The following KAZN variants were observed in gnomAD, a reference collection of about 807,000 sequenced individuals.
KAZN encodes the protein kazrin, periplakin interacting protein.
A neutral mutation model predicts 87.4 loss-of-function variants in KAZN; 40 were observed. That is an observed-to-expected ratio of 0.46 (90% CI 0.36 to 0.60). KAZN has a LOEUF of 0.60. Among genes scored for constraint, KAZN ranks in the 20% least tolerant of loss-of-function variants. KAZN has a pLI of 0.00. For synonymous variants in KAZN, 466 were observed against 458.3 expected (o/e 1.02, Z -0.22); for missense variants, 898 against 1,073.9 (o/e 0.84, Z 2.29).
chr1:14,572,550 C>A (rs1423958364), intron 2 of KAZN, among the ~76,000 whole-genome samples: 1 of 152,202 alleles, frequency 6.6e-6, no homozygotes, highest in Non-Finnish European at 1.5e-5. Flanking sequence ...GCCTGGGAAG[C>A]AAGAGTATAA....
chr1:13,991,762 G>C (rs1332823931), intron 1 of KAZN, among the ~76,000 whole-genome samples: 1 of 152,026 alleles, frequency 6.6e-6, no homozygotes, highest in Non-Finnish European at 1.5e-5. Flanking sequence ...CTGCACCCCT[G>C]CCCTCCTTTC....
chr1:15,018,977 C>T (rs1406752031), intron 2 of KAZN, among the ~76,000 whole-genome samples: 2 of 152,228 alleles, frequency 1.3e-5, no homozygotes, highest in African/African-American at 2.4e-5. Context: ...TGAGAAGTTG[C>T]TGGATGTCCT....
intron 2 of KAZN, among the ~76,000 whole-genome samples, chr1:14,406,941 A>G (rs957944508): frequency 3.9e-5 from 6 of 152,216 alleles, no homozygotes; most frequent in Non-Finnish European, 8.8e-5. Flanking sequence ...CATAAAGTGC[A>G]AACAGAAGAG....
intron 1 of KAZN, among the ~76,000 whole-genome samples, chr1:14,843,638 G>A (rs373710589): frequency 2.3e-4 from 35 of 152,274 alleles, no homozygotes; most frequent in East Asian, 1.7e-3. Context: ...CAGCAAATTC[G>A]CCTCCCTATC....
At chr1:14,550,210 A>G (rs559164094) in intron 2 of KAZN, among the ~76,000 whole-genome samples, 4 of 152,336 alleles carry the variant, frequency 2.6e-5, no homozygotes, top group African/African-American at 9.6e-5. Context: ...CCAGTTCTCT[A>G]CACTCATGAA....
In KAZN at chr1:14,167,424, C is replaced by G. The variant is rs377695745; in HGVS notation, c.92-13011C>G. 5.7e-4 allele frequency among the ~76,000 whole-genome samples: 87 copies of G among 152,218 alleles called. 1 individual carries two copies. In the South Asian group the frequency reaches 0.018, roughly 31 times the overall value. On this transcript the variant is annotated intron_variant, in intron 1 of 16. Coordinates refer to the KAZN transcript ENST00000636203. The stretch of plus-strand genomic sequence containing the variant: ...AAAAATCAAGGCTAAGCCCTGTGGA[C>G]TAAATACAAGGATGGAGGCAGGGCA...
At chr1:14,260,714 T>C (rs1650945401) in intron 2 of KAZN, among the ~76,000 whole-genome samples, 1 of 152,176 alleles carries the variant, frequency 6.6e-6, no homozygotes, top group South Asian at 2.1e-4. Flanking sequence ...TCAAATTCTG[T>C]AGCAGTTCCT....
chr1:14,229,983 C>T lies in KAZN; in HGVS notation c.249+49391C>T, dbSNP rs1474079426. On this transcript the variant is annotated intron_variant, in intron 2 of 16. Transcript: ENST00000636203. ...ATTCTTCCTCCAGACCCACGTTCTC[C>T]GAGAGAACCTTCCACAGTGATGGAA... Among the ~76,000 whole-genome samples, 4 of 152,222 alleles carry T rather than the reference C, an allele frequency of 2.6e-5. No individual in the cohort carries two copies. In the East Asian group the frequency reaches 5.8e-4, roughly 22 times the overall value.
intron 2 of KAZN, among the ~76,000 whole-genome samples, chr1:14,278,971 C>A (rs1389083151): frequency 2.4e-5 from 3 of 123,284 alleles, no homozygotes; most frequent in Non-Finnish European, 3.1e-5. Flanking sequence ...CTATTTCCAA[C>A]ATGCCACTGC....
At chr1:13,892,933 G>A (rs1638890390) in exon 1 of KAZN, 1 of 152,200 alleles carries the variant, frequency 6.6e-6, no homozygotes, top group Admixed American at 6.5e-5. Flanking sequence ...CGCGAGGAGT[G>A]GGGAGCGGCA....
chr1:14,318,311 A>G (rs1414047646), intron 2 of KAZN, among the ~76,000 whole-genome samples: 1 of 151,970 alleles, frequency 6.6e-6, no homozygotes, highest in Non-Finnish European at 1.5e-5. Context: ...TTTGAAATAT[A>G]TTTTTGCTGG....
chr1:13,999,775 G>GA (rs1379969315), intron 1 of KAZN, among the ~76,000 whole-genome samples: 2 of 151,788 alleles, frequency 1.3e-5, no homozygotes, highest in South Asian at 2.1e-4. Flanking sequence ...CTGGTTTTTT[G>GA]AAAAAATTAA....
chr1:14,107,991 T>C (rs1398614793), intron 1 of KAZN, among the ~76,000 whole-genome samples: 2 of 152,140 alleles, frequency 1.3e-5, no homozygotes, highest in African/African-American at 4.8e-5. Context: ...ATTTCTAAGA[T>C]CATCTCTCTG....
intron 2 of KAZN, among the ~76,000 whole-genome samples, chr1:14,294,217 G>A (rs1041625992): frequency 2.4e-4 from 36 of 152,170 alleles, no homozygotes; most frequent in Non-Finnish European, 1.9e-4. Flanking sequence ...CTTATGCCTT[G>A]TGTGTCACTG....
intron 1 of KAZN, among the ~76,000 whole-genome samples, chr1:13,983,532 GCTCGGGCCT>G (rs1180092872): frequency 6.6e-6 from 1 of 152,190 alleles, no homozygotes; most frequent in Admixed American, 6.5e-5. Flanking sequence ...CCTGGTTCCT[GCTCGGGCCT>G]CTCCCTCCAC....
At chr1:14,248,777 A>G (rs1178983092) in intron 2 of KAZN, among the ~76,000 whole-genome samples, 1 of 152,166 alleles carries the variant, frequency 6.6e-6, no homozygotes, top group Non-Finnish European at 1.5e-5. Context: ...CCCCTGAATC[A>G]AGGCAGTGTT....
chr1:15,019,659 G>A (rs572641568), intron 2 of KAZN, among the ~76,000 whole-genome samples: 26 of 152,318 alleles, frequency 1.7e-4, no homozygotes, highest in Admixed American at 4.6e-4. Context: ...AAAGTGCTGG[G>A]ATTACAAGCG....
intron 1 of KAZN, among the ~76,000 whole-genome samples, chr1:14,654,709 G>T (rs955218992): frequency 2.6e-5 from 4 of 152,118 alleles, no homozygotes; most frequent in Admixed American, 6.5e-5. Flanking sequence ...TTTCGTCTTG[G>T]GCCTGGTTGC....
At chr1:14,938,297 T>G (rs1416479142) in intron 1 of KAZN, among the ~76,000 whole-genome samples, 1 of 152,124 alleles carries the variant, frequency 6.6e-6, no homozygotes, top group Non-Finnish European at 1.5e-5. Flanking sequence ...ATCCCAACAC[T>G]TTGGGAGGCC....
Sources: gnomAD v4.1 joint callset for allele counts (sites outside exome capture counted in the v4.1 genomes callset) on GRCh38, gnomAD v4.1.1 for gene constraint, MANE v1.5 for transcripts, NCBI Gene and HGNC (gene_info 2026-07-23, HGNC 2026-07-21) for gene names.